Variants in SH3GL2 observed in about 807,000 individuals in gnomAD.
The protein encoded by SH3GL2 is endophilin-A1.
A neutral mutation model predicts 46.0 loss-of-function variants in SH3GL2; 24 were observed. That is an observed-to-expected ratio of 0.52 (90% CI 0.38 to 0.73). The LOEUF (loss-of-function observed/expected upper bound fraction) is 0.73. Ranked by LOEUF, SH3GL2 falls within the 30% of genes least tolerant of loss-of-function variation. The pLI is 0.00. For missense variants in SH3GL2, 413 were observed against 424.2 expected (o/e 0.97, Z 0.23); for synonymous variants, 196 against 147.1 (o/e 1.33, Z -2.40).
At chr9:17,771,407 G>C (rs984089254) in intron 3 of SH3GL2, among the ~76,000 whole-genome samples, 1 of 152,186 alleles carries the variant, frequency 6.6e-6, no homozygotes, top group Non-Finnish European at 1.5e-5. Context: ...GGGTACTGCA[G>C]CTCAACCTAG....
chr9:17,715,175 A>C (rs1821718581), intron 1 of SH3GL2, among the ~76,000 whole-genome samples: 1 of 144,142 alleles, frequency 6.9e-6, no homozygotes, highest in African/African-American at 2.5e-5. Context: ...TGAGTGTTTG[A>C]TTATGATTTC....
chr9:17,795,545 T>A lies in SH3GL2; in HGVS notation c.861T>A (p.Gly287=), dbSNP rs147946847. ...LSHTGTPKPS[G]VQMDQPCCRA... ...CTTCTCTCCTGCTCTTACTCCCAGG[T>A]GTCCAAATGGATCAGCCCTGCTGCC... The change falls in exon 9 of 9, where the codon GGT becomes GGA. Residue 287 remains glycine, a splice_region_variant and synonymous_variant. Coordinates refer to ENST00000380607, the MANE Select transcript of SH3GL2 (RefSeq NM_003026.5). 278 of 1,613,080 alleles carry A rather than the reference T, an allele frequency of 1.7e-4. 2 individuals are homozygous for A. In the East Asian group the frequency reaches 6.0e-3, roughly 35 times the overall value.
chr9:17,645,971 C>T (rs536388415), intron 1 of SH3GL2, among the ~76,000 whole-genome samples: 3 of 152,032 alleles, frequency 2.0e-5, no homozygotes, highest in Non-Finnish European at 4.4e-5. Context: ...ATATGTCTTC[C>T]AACTTGGTTC....
intron 1 of SH3GL2, among the ~76,000 whole-genome samples, chr9:17,719,298 A>G (rs1399313746): frequency 3.3e-5 from 5 of 152,142 alleles, no homozygotes; most frequent in East Asian, 3.9e-4. Context: ...TAACACTTCA[A>G]ACATTGTAAA....
At chr9:17,654,501 A>C (rs1228656334) in intron 1 of SH3GL2, among the ~76,000 whole-genome samples, 1 of 152,148 alleles carries the variant, frequency 6.6e-6, no homozygotes, top group Non-Finnish European at 1.5e-5. Context: ...TTTATAGGAG[A>C]ACTCTGTTCT....
intron 1 of SH3GL2, among the ~76,000 whole-genome samples, chr9:17,678,022 C>G (rs112415882): frequency 0.1 from 15,413 of 152,148 alleles, 996 homozygotes; most frequent in Admixed American, 0.18. Flanking sequence ...TTAATCCAGT[C>G]TATCATTATT....
intron 1 of SH3GL2, among the ~76,000 whole-genome samples, chr9:17,586,334 A>G (rs1370695011): frequency 6.6e-6 from 1 of 152,214 alleles, no homozygotes. Flanking sequence ...TACTTAGGAC[A>G]CTGAAGGACC....
At chr9:17,713,143 C>CT (rs1821673153) in intron 1 of SH3GL2, among the ~76,000 whole-genome samples, 1 of 150,704 alleles carries the variant, frequency 6.6e-6, no homozygotes, top group African/African-American at 2.4e-5. Context: ...TGTAGTTTTC[C>CT]TTTTTAGTTT....
intron 1 of SH3GL2, among the ~76,000 whole-genome samples, chr9:17,682,596 T>C (rs985632703): frequency 1.3e-5 from 2 of 151,062 alleles, no homozygotes; most frequent in African/African-American, 2.4e-5. Context: ...GATGGGTCAA[T>C]AGGTGCAGCA....
Position 17,748,857 on chromosome 9 carries a change from T to C in SH3GL2, c.114+1723T>C, listed in dbSNP as rs146056309. Among the ~76,000 whole-genome samples, 639 of 151,838 alleles carry C rather than the reference T, an allele frequency of 4.2e-3. 6 individuals carry two copies. The highest frequency in any genetic ancestry group is 0.015 in the African/African-American group (614 of 41,382). Reference sequence around the variant, plus strand: ...AACCTTCCTGATAGTTAAGTGAAGATGGGAAAGAGTTAGCAGAGCCTGGTA... The same window carrying C: ...AACCTTCCTGATAGTTAAGTGAAGACGGGAAAGAGTTAGCAGAGCCTGGTA... On this transcript the variant is annotated intron_variant, in intron 2 of 8. Coordinates refer to ENST00000380607, the MANE Select transcript of SH3GL2 (RefSeq NM_003026.5).
At chr9:17,599,179 A>C (rs1447371987) in intron 1 of SH3GL2, among the ~76,000 whole-genome samples, 3 of 152,186 alleles carry the variant, frequency 2.0e-5, no homozygotes, top group Non-Finnish European at 4.4e-5. Flanking sequence ...AAGGTAAAAG[A>C]GTGTAAAAAG....
intron 1 of SH3GL2, among the ~76,000 whole-genome samples, chr9:17,651,999 C>G (rs573023266): frequency 6.6e-6 from 1 of 152,182 alleles, no homozygotes; most frequent in South Asian, 2.1e-4. Context: ...TTCAAAATAC[C>G]ACTTAGTGGT....
Position 17,791,266 on chromosome 9 carries a change from A to G in SH3GL2, c.660A>G (p.Gln220=), listed in dbSNP as rs773418709. 2.7e-5 allele frequency: 44 copies of G among 1,613,644 alleles called. No homozygotes were observed. The Admixed American group carries it at 6.5e-4, about 24-fold the overall frequency. Residue 220 remains glutamine, a synonymous_variant, in exon 7 of 9, where the codon CAA becomes CAG. Transcript: ENST00000380607. ...TGAGCCAGCTCTCTGCACTTGTGCA[A>G]GCTCAGCTGGAGTACCACAAGCAGG... ...EQVSQLSALV[Q]AQLEYHKQAV...
At chr9:17,727,257 A>C (rs1488119887) in intron 1 of SH3GL2, among the ~76,000 whole-genome samples, 3 of 152,168 alleles carry the variant, frequency 2.0e-5, no homozygotes, top group Non-Finnish European at 4.4e-5. Flanking sequence ...AAAATACAGC[A>C]AATAAGTTTT....
chr9:17,669,944 G>A (rs2147729), intron 1 of SH3GL2, among the ~76,000 whole-genome samples: 57,131 of 151,882 alleles, frequency 0.38, 11,665 homozygotes, highest in Admixed American at 0.54. Flanking sequence ...CCAGAAAAAG[G>A]GTTGCCATCC....
chr9:17,716,146 G>T (rs1451446788), intron 1 of SH3GL2, among the ~76,000 whole-genome samples: 1 of 151,928 alleles, frequency 6.6e-6, no homozygotes, highest in African/African-American at 2.4e-5. Flanking sequence ...TAATATCCTT[G>T]TCAAACAATT....
chr9:17,636,844 C>G (rs1819555143), intron 1 of SH3GL2, among the ~76,000 whole-genome samples: 1 of 152,210 alleles, frequency 6.6e-6, no homozygotes, highest in Admixed American at 6.5e-5. Flanking sequence ...TAACAATTGC[C>G]TGCCCTGTGT....
intron 1 of SH3GL2, among the ~76,000 whole-genome samples, chr9:17,692,224 A>T (rs1821098590): frequency 6.6e-6 from 1 of 151,860 alleles, no homozygotes; most frequent in South Asian, 2.1e-4. Context: ...GGTGCAGAAT[A>T]TGCTTATCTG....
chr9:17,668,177 C>T (rs991990502), intron 1 of SH3GL2, among the ~76,000 whole-genome samples: 1 of 152,156 alleles, frequency 6.6e-6, no homozygotes, highest in Non-Finnish European at 1.5e-5. Flanking sequence ...TTCTTCATAT[C>T]TGAGAAGCCA....
Sources: allele counts gnomAD v4.1 joint callset (sites outside exome capture counted in the v4.1 genomes callset), GRCh38; gene constraint gnomAD v4.1.1; transcripts MANE v1.5; gene names NCBI Gene and HGNC (gene_info 2026-07-23, HGNC 2026-07-21).